Variants in CLINT1 observed in about 807,000 individuals in gnomAD.
CLINT1 encodes clathrin interactor 1.
In CLINT1, 15 loss-of-function variants were observed where a neutral mutation model predicts 70.4. That is an observed-to-expected ratio of 0.21 (90% CI 0.14 to 0.33). The LOEUF (loss-of-function observed/expected upper bound fraction) is 0.33. Among genes scored for constraint, CLINT1 ranks in the 10% least tolerant of loss-of-function variants. The pLI, the probability that CLINT1 is intolerant of heterozygous loss-of-function variation, is 1.00. For synonymous variants in CLINT1, 227 were observed against 254.7 expected, an observed-to-expected ratio of 0.89 and a Z score of 1.04; for missense variants, 615 against 778.1, an observed-to-expected ratio of 0.79 and a Z score of 2.49.
chr5:157,808,327 T>C (rs1762447736), intron 6 of CLINT1, among the ~76,000 whole-genome samples: 1 of 152,140 alleles, frequency 6.6e-6, no homozygotes, highest in Admixed American at 6.6e-5. Context: ...GGACCTCTTT[T>C]TAATGATCCC....
In CLINT1 at chr5:157,787,832, G is replaced by T; in HGVS notation, c.1692C>A (p.Ala564=). The change falls in exon 12 of 12, where the codon GCC becomes GCA. Residue 564 remains alanine (A), a synonymous_variant. Transcript: ENST00000411809. ...TCATCATCGGAGTATTTCCAAGAGG[G>T]GCCATTCCCATGGTGCCAGTCATCA... ...PNVMTGTMGM[A]PLGNTPMMNQ... is the part of the protein sequence containing the mutation. 2 of 1,613,860 alleles carry T rather than the reference G, an allele frequency of 1.2e-6. No homozygotes were observed. Among genetic ancestry groups the T allele is most frequent in the African/African-American group, 1.3e-5 (1 of 75,006 alleles).
rs1554103621 is a variant in CLINT1 at position 157,855,166 on chromosome 5, G to GGT, written c.41+3763_41+3764insAC. Among the ~76,000 whole-genome samples the GGT allele has an allele frequency of 1.1e-4, 9 of 82,044 alleles. 2 individuals are homozygous for GGT. Among genetic ancestry groups the GGT allele is most frequent in the Non-Finnish European group, 1.1e-4 (5 of 44,690 alleles). 53.8% of individuals were successfully genotyped at this position (82,044 alleles called of 152,430 possible). A position where few individuals can be genotyped will look rare whatever the true frequency, so the allele number is the denominator to read the frequency against. ...CGAAAAAAAAAAAAGGCGGGGGGGG[G>GGT]GGCGGGTCACTGATGAAAGAGATTT... On this transcript the variant is annotated intron_variant, in intron 1 of 11. Coordinates refer to ENST00000411809, the MANE Select transcript of CLINT1 (RefSeq NM_014666.4).
intron 10 of CLINT1, among the ~76,000 whole-genome samples, chr5:157,791,086 T>C (rs28405020): frequency 0.016 from 2,388 of 152,046 alleles, 65 homozygotes; most frequent in African/African-American, 0.054. Flanking sequence ...TGAGACGGAG[T>C]ATCACTCTGT....
chr5:157,798,490 TTTTC>T (rs1219019293), intron 8 of CLINT1, among the ~76,000 whole-genome samples: 1 of 152,122 alleles, frequency 6.6e-6, no homozygotes, highest in Non-Finnish European at 1.5e-5. Flanking sequence ...CAAATGGAAA[TTTTC>T]TTTGACAAAA....
At chr5:157,819,360 A>T (rs1762812799) in intron 1 of CLINT1, among the ~76,000 whole-genome samples, 1 of 152,196 alleles carries the variant, frequency 6.6e-6, no homozygotes, top group African/African-American at 2.4e-5. Flanking sequence ...ATGTGACAAA[A>T]TAAATATAAA....
chr5:157,793,103 C>T (rs983324217), intron 9 of CLINT1, among the ~76,000 whole-genome samples: 3 of 152,092 alleles, frequency 2.0e-5, no homozygotes, highest in Non-Finnish European at 4.4e-5. Flanking sequence ...AATGTAAGCA[C>T]CCTTGAAAGA....
intron 1 of CLINT1, among the ~76,000 whole-genome samples, chr5:157,852,292 CA>C (rs1178451012): frequency 6.6e-6 from 1 of 152,012 alleles, no homozygotes; most frequent in Non-Finnish European, 1.5e-5. Flanking sequence ...ATATGCTTTG[CA>C]ATATTAAAGT....
chr5:157,798,785 A>G (rs1444482049), intron 8 of CLINT1, among the ~76,000 whole-genome samples: 1 of 152,082 alleles, frequency 6.6e-6, no homozygotes, highest in African/African-American at 2.4e-5. Context: ...AAAAGCTTTA[A>G]AAGGTGCTAT....
chr5:157,847,148 G>A (rs559484014), intron 1 of CLINT1, among the ~76,000 whole-genome samples: 3 of 152,156 alleles, frequency 2.0e-5, no homozygotes, highest in Non-Finnish European at 4.4e-5. Context: ...TGATTCCTCT[G>A]ATGGATCTGG....
intron 2 of CLINT1, 48 bp from the exon 3 acceptor site, chr5:157,816,878 C>T (rs1211759352): frequency 7.7e-7 from 1 of 1,291,432 alleles, no homozygotes; most frequent in South Asian, 1.3e-5. Flanking sequence ...TTAATTTTGA[C>T]AGTAGATGGC....
chr5:157,858,817 GC>G, intron 1 of CLINT1, 112 bp downstream of exon 1: 3 of 1,169,854 alleles, frequency 2.6e-6, no homozygotes, highest in Admixed American at 2.3e-5. Flanking sequence ...CCATGATGGG[GC>G]TGGCAGAGCC....
Position 157,830,533 on chromosome 5 carries a change from T to C in CLINT1, c.42-12986A>G, listed in dbSNP as rs181316762. 2.4e-3 allele frequency among the ~76,000 whole-genome samples: 366 copies of C among 152,156 alleles called. 2 individuals carry two copies. The highest frequency in any genetic ancestry group is 8.4e-3 in the African/African-American group (350 of 41,498). ...CGTAAGAGTAAATGCTTCACACTGC[T>C]TTTTAAAAATACTGTACTTCAAAAA... On this transcript the variant is annotated intron_variant, in intron 1 of 11. Transcript: ENST00000411809.
chr5:157,796,629 C>T (rs1480380475), intron 8 of CLINT1, among the ~76,000 whole-genome samples: 1 of 152,182 alleles, frequency 6.6e-6, no homozygotes, highest in Non-Finnish European at 1.5e-5. Flanking sequence ...CCAGGGACAG[C>T]TTCCAACATC....
At chr5:157,811,057 T>G (rs1762540885) in intron 5 of CLINT1, among the ~76,000 whole-genome samples, 1 of 152,130 alleles carries the variant, frequency 6.6e-6, no homozygotes, top group Non-Finnish European at 1.5e-5. Flanking sequence ...TTAAAAAAAG[T>G]GATTTTCCAA....
chr5:157,828,762 C>T (rs972504227), intron 1 of CLINT1, among the ~76,000 whole-genome samples: 2 of 151,894 alleles, frequency 1.3e-5, no homozygotes, highest in East Asian at 3.9e-4. Context: ...ACTCAGCAGT[C>T]TGTATTCTAT....
At chr5:157,796,887 C>CATATATATATAT in intron 8 of CLINT1, among the ~76,000 whole-genome samples, 1 of 148,110 alleles carries the variant, frequency 6.8e-6, no homozygotes, top group Non-Finnish European at 1.5e-5. Context: ...CTCATACATA[C>CATATATATATAT]ATATATATAT....
intron 3 of CLINT1, among the ~76,000 whole-genome samples, chr5:157,816,488 T>G (rs1056991731): frequency 5.9e-5 from 9 of 152,130 alleles, no homozygotes; most frequent in African/African-American, 2.2e-4. Flanking sequence ...TGCACAAACA[T>G]TTTAGTAGGA....
At chr5:157,858,877 C>CGCGGGGG in intron 1 of CLINT1, 53 bp downstream of exon 1, 1 of 609,172 alleles carries the variant, frequency 1.6e-6, no homozygotes, top group Non-Finnish European at 2.7e-6. Context: ...CTCCTTCTCC[C>CGCGGGGG]CCTCCCCCCT....
At chr5:157,829,116 G>GCAA (rs1311054997) in intron 1 of CLINT1, among the ~76,000 whole-genome samples, 5 of 151,018 alleles carry the variant, frequency 3.3e-5, no homozygotes, top group African/African-American at 7.3e-5. Context: ...AACAACAACA[G>GCAA]CAACAACAAC....
Sources: allele counts gnomAD v4.1 joint callset (sites outside exome capture counted in the v4.1 genomes callset), GRCh38; gene constraint gnomAD v4.1.1; transcripts MANE v1.5; gene names NCBI Gene and HGNC (gene_info 2026-07-23, HGNC 2026-07-21).